SLC30A1: variants seen among roughly 807,000 people sequenced by gnomAD.
The protein encoded by SLC30A1 is solute carrier family 30 member 1.
SLC30A1 carries 7 observed loss-of-function variants against 29.8 expected under a neutral mutation model. The ratio of observed to expected loss-of-function variants is 0.23; its 90% CI spans 0.13 to 0.44. The LOEUF is 0.44. SLC30A1 is among the 20% of genes least tolerant of loss of function. The pLI is 1.00. For missense variants in SLC30A1, 446 were observed against 647.9 expected, an observed-to-expected ratio of 0.69 and a Z score of 3.38; for synonymous variants, 254 against 253.5, an observed-to-expected ratio of 1.00 and a Z score of -0.02.
intron 1 of SLC30A1, among the ~76,000 whole-genome samples, chr1:211,576,948 T>TA (rs991631234): frequency 2.6e-5 from 4 of 152,166 alleles, no homozygotes; most frequent in African/African-American, 9.7e-5. Flanking sequence ...TTCAAAAAGA[T>TA]AAAAAGTATT....
chr1:211,576,991 A>G (rs978082178), intron 1 of SLC30A1, among the ~76,000 whole-genome samples: 2 of 152,164 alleles, frequency 1.3e-5, no homozygotes, highest in Non-Finnish European at 2.9e-5. Flanking sequence ...GAGAAACTTA[A>G]TTTTCTTTGG....
Position 211,572,521 on chromosome 1 carries a change from T to A in SLC30A1, c.*2867A>T, listed in dbSNP as rs1257373110. 3.9e-5 allele frequency: 6 copies of A among 152,112 alleles called. No individual in the cohort carries two copies. The highest frequency in any genetic ancestry group is 5.9e-5 in the Non-Finnish European group (4 of 67,936). 9.4% of individuals were successfully genotyped at this position (152,112 alleles called of 1,614,324 possible). A position where few individuals can be genotyped will look rare whatever the true frequency, so the allele number is the denominator to read the frequency against. ...TTCAAAATTAACTTAAGGATGTTAA[T>A]AAGACACAAACGGTTAACACAGCCT... On this transcript the variant is annotated 3_prime_UTR_variant, in exon 2 of 2. Transcript: ENST00000367001.
In SLC30A1 at chr1:211,575,334, C is replaced by A; in HGVS notation, c.*54G>T. Reference sequence around the variant, plus strand: ...GGCAAACTTAGAATTTCAGTGGAGTCTTTTTCCTCTTGCAGTTTAAAGCAA... The same window carrying A: ...GGCAAACTTAGAATTTCAGTGGAGTATTTTTCCTCTTGCAGTTTAAAGCAA... On this transcript the variant is annotated 3_prime_UTR_variant, in exon 2 of 2. Coordinates refer to ENST00000367001, the MANE Select transcript of SLC30A1 (RefSeq NM_021194.3). This position sits in a 1 kb window ranked among gnomAD's most constrained non-coding sequence, Gnocchi z 6.0. 1 of 1,455,550 alleles carries A rather than the reference C, an allele frequency of 6.9e-7. No individual in the cohort carries two copies. Among genetic ancestry groups the A allele is most frequent in the Non-Finnish European group, 9.3e-7 (1 of 1,079,408 alleles). The allele number at this position is 1,455,550 out of a possible 1,614,324, so 90.2% of individuals were successfully genotyped here.
Position 211,575,427 on chromosome 1 carries a change from A to C in SLC30A1, c.1485T>G (p.Ile495Met). ...CAGGTTGTTTGTTTGGCATGTTTTT[A>C]ATCTCTATCACAACAGCAGGGATGT... ...AENIPAVVIE[I>M]KNMPNKQPES... is the part of the protein sequence containing the mutation. Residue 495 changes from isoleucine to methionine, a missense_variant, in exon 2 of 2, where the codon ATT (isoleucine) becomes ATG (methionine). By Grantham distance (10) the Ile-to-Met change is conservative (BLOSUM62 1). Transcript: ENST00000367001. The surrounding 1 kb of genome is among the most constrained non-coding windows in gnomAD (Gnocchi z 6.0). 6.2e-7 allele frequency: 1 copy of C among 1,605,914 alleles called. No homozygotes were observed. The highest frequency in any genetic ancestry group is 8.5e-7 in the Non-Finnish European group (1 of 1,177,608).
In SLC30A1 at chr1:211,571,789, AGAT is replaced by A. The variant is rs1163190694; in HGVS notation, c.*3596_*3598del. 7 of 152,206 alleles carry A rather than the reference AGAT, an allele frequency of 4.6e-5. No individual in the cohort carries two copies. Among genetic ancestry groups the A allele is most frequent in the South Asian group, 2.1e-4 (1 of 4,832 alleles). The allele number at this position is 152,206 out of a possible 1,614,324, so 9.4% of individuals were successfully genotyped here. On this transcript the variant is annotated 3_prime_UTR_variant, in exon 2 of 2. Coordinates refer to ENST00000367001, the MANE Select transcript of SLC30A1 (RefSeq NM_021194.3). The stretch of plus-strand genomic sequence containing the variant: ...ATTTTATCTGCATCTGTATTTAATG[AGAT>A]GATAACTGCATTTAACTGGCCCACA...
chr1:211,575,441 C>A lies in SLC30A1; in HGVS notation c.1471G>T (p.Val491Phe). Residue 491 changes from valine (V) to phenylalanine (F), a missense_variant, in exon 2 of 2, where the codon GTT becomes TTT. Physicochemically the swap from Val to Phe is conservative, Grantham distance 50. This residue lies in a region of SLC30A1 where 187 missense variants were observed against 312.7 expected (regional missense o/e 0.60). Transcript: ENST00000367001. The surrounding 1 kb of genome is among the most constrained non-coding windows in gnomAD (Gnocchi z 6.0). Reference sequence around the variant, plus strand: ...GGCATGTTTTTAATCTCTATCACAACAGCAGGGATGTTTTCAGCTTTAGTC... The same window carrying A: ...GGCATGTTTTTAATCTCTATCACAAAAGCAGGGATGTTTTCAGCTTTAGTC... ...RRTKAENIPA[V>F]VIEIKNMPNK... The A allele has an allele frequency of 6.2e-7, 1 of 1,613,334 alleles. No homozygotes were observed. Among genetic ancestry groups the A allele is most frequent in the Non-Finnish European group, 8.5e-7 (1 of 1,179,700 alleles).
At position 211,573,438 on chromosome 1, in the gene SLC30A1, G is replaced by C. The variant is rs1370886718; in HGVS notation, c.*1950C>G. 2 of 152,004 alleles carry C rather than the reference G, an allele frequency of 1.3e-5. No homozygotes were observed. The highest frequency in any genetic ancestry group is 2.4e-5 in the African/African-American group (1 of 41,420). The allele number at this position is 152,004 out of a possible 1,614,324, so 9.4% of individuals were successfully genotyped here. On this transcript the variant is annotated 3_prime_UTR_variant, in exon 2 of 2. Coordinates refer to ENST00000367001, the MANE Select transcript of SLC30A1 (RefSeq NM_021194.3). ...ATCTTTAAGACACAGACCTCAAGTA[G>C]AGCATTTGTAAAGAAAACCTCATTG...
rs1571601406 is a variant in SLC30A1, at chr1:211,575,577, T to C, written c.1335A>G (p.Gln445=). 6.2e-7 allele frequency: 1 copy of C among 1,614,196 alleles called. No individual in the cohort carries two copies. Among genetic ancestry groups the C allele is most frequent in the East Asian group, 2.2e-5 (1 of 44,892 alleles). ...GGGCTTGTGGTAGTGTCCCACAACA[T>C]TGCTTCAAAGCACACTGGGTTCTGC... ...LACRTQCALK[Q]CCGTLPQAPS... is the part of the protein sequence containing the mutation. Residue 445 remains glutamine (Q), a synonymous_variant, in exon 2 of 2, where the codon CAA becomes CAG. Coordinates refer to ENST00000367001, the MANE Select transcript of SLC30A1 (RefSeq NM_021194.3). The surrounding 1 kb of genome is among the most constrained non-coding windows in gnomAD (Gnocchi z 6.0).
chr1:211,578,438 G>T lies in SLC30A1; in HGVS notation c.175C>A (p.Arg59Ser). 1 of 1,612,190 alleles carries T rather than the reference G, an allele frequency of 6.2e-7. No homozygotes were observed. Among genetic ancestry groups the T allele is most frequent in the Non-Finnish European group, 8.5e-7 (1 of 1,179,498 alleles). Residue 59 changes from arginine to serine, a missense_variant, in exon 1 of 2, where the codon CGC becomes AGC. Arg to Ser is a moderately radical substitution (Grantham distance 110). Transcript: ENST00000367001. Reference sequence around the variant, plus strand: ...GTGGCGTGGGTCCGCCGGGCGAAGCGCTCGGCCACCAGCGCCACCACCAGC... The same window carrying T: ...GTGGCGTGGGTCCGCCGGGCGAAGCTCTCGGCCACCAGCGCCACCACCAGC... ...LALVVALVAE[R>S]FARRTHATQK...
rs1706759745 is a variant in SLC30A1, at chr1:211,579,158, C to T, written c.-546G>A. ...CACTCGGCCCGGTCTCGGGCGCCTT[C>T]TTCGCCCCCCCGCCTTTGCAGACGG... is the stretch of plus-strand genomic sequence containing the variant. On this transcript the variant is annotated 5_prime_UTR_variant, in exon 1 of 2. Transcript: ENST00000367001. 2.0e-5 allele frequency among the ~76,000 whole-genome samples: 3 copies of T among 152,356 alleles called. No homozygotes were observed. The South Asian group carries it at 6.2e-4, about 32-fold the overall frequency.
In SLC30A1 at chr1:211,578,515, G is replaced by C. The variant is rs747092322; in HGVS notation, c.98C>G (p.Ser33Trp). ...VLEVVVSRVT[S>W]SLAMLSDSFH... ...GGAGTCGGAGAGCATCGCCAGCGAC[G>C]AGGTCACCCGGCTCACCACCACCTC... is the stretch of plus-strand genomic sequence containing the variant. The change falls in exon 1 of 2, where the codon TCG becomes TGG. Residue 33 changes from serine to tryptophan, a missense_variant. Ser to Trp is a radical substitution (Grantham distance 177). Transcript: ENST00000367001. The C allele has an allele frequency of 6.2e-7, 1 of 1,611,542 alleles. No homozygotes were observed. Among genetic ancestry groups the C allele is most frequent in the South Asian group, 1.1e-5 (1 of 90,770 alleles).
chr1:211,576,368 GTGA>G, intron 1 of SLC30A1, 79 bp from the exon 2 acceptor site: 1 of 953,512 alleles, frequency 1.0e-6, no homozygotes, highest in Middle Eastern at 2.4e-4. Context: ...TTTTTAAGTG[GTGA>G]TGAAGGTGAA....
In SLC30A1 at chr1:211,575,359, A is replaced by AAAGTC. The variant is rs1706705963; in HGVS notation, c.*24_*28dup. 6 of 1,535,576 alleles carry AAAGTC rather than the reference A, an allele frequency of 3.9e-6. No homozygotes were observed. Among genetic ancestry groups the AAAGTC allele is most frequent in the Non-Finnish European group, 4.4e-6 (5 of 1,145,292 alleles). On this transcript the variant is annotated 3_prime_UTR_variant, in exon 2 of 2. Transcript: ENST00000367001. This position sits in a 1 kb window ranked among gnomAD's most constrained non-coding sequence, Gnocchi z 6.0. ...CTTTTTCCTCTTGCAGTTTAAAGCAAAAGTCAAATATCACATCTTTTTCAA... is the reference window on the plus strand; with the variant it reads ...CTTTTTCCTCTTGCAGTTTAAAGCAAAAGTCAAGTCAAATATCACATCTTTTTCAA...
Position 211,577,873 on chromosome 1 carries a change from C to T in SLC30A1, c.622+118G>A, listed in dbSNP as rs964673874. The T allele has an allele frequency of 2.2e-6, 3 of 1,343,856 alleles. No homozygotes were observed. The highest frequency in any genetic ancestry group is 1.4e-5 in the South Asian group (1 of 69,500). 83.2% of individuals were successfully genotyped at this position (1,343,856 alleles called of 1,614,324 possible). A position where few individuals can be genotyped will look rare whatever the true frequency, so the allele number is the denominator to read the frequency against. On this transcript the variant is annotated intron_variant, in intron 1 of 1. Coordinates refer to ENST00000367001, the MANE Select transcript of SLC30A1 (RefSeq NM_021194.3). The surrounding 1 kb of genome is among the most constrained non-coding windows in gnomAD (Gnocchi z 4.5). ...AGGACGGGGAGGGAGCAGGCAGGGG[C>T]GGCGCGGCGCAGGCCCGCTCGGGCA...
At position 211,577,794 on chromosome 1, in the gene SLC30A1, C is replaced by T. The variant is rs1706738685; in HGVS notation, c.622+197G>A. Among the ~76,000 whole-genome samples the T allele has an allele frequency of 1.3e-5, 2 of 152,214 alleles. No homozygotes were observed. Among genetic ancestry groups the T allele is most frequent in the Non-Finnish European group, 2.9e-5 (2 of 68,034 alleles). Reference sequence around the variant, plus strand: ...AATATGCCAGACGCGTCGCCGGCTCCTTGCACCCGACTGAGGGGGTTCTGA... The same window carrying T: ...AATATGCCAGACGCGTCGCCGGCTCTTTGCACCCGACTGAGGGGGTTCTGA... On this transcript the variant is annotated intron_variant, in intron 1 of 1. Coordinates refer to ENST00000367001, the MANE Select transcript of SLC30A1 (RefSeq NM_021194.3). The surrounding 1 kb of genome is among the most constrained non-coding windows in gnomAD (Gnocchi z 4.5).
chr1:211,578,063 G>C lies in SLC30A1; in HGVS notation c.550C>G (p.Pro184Ala). The change falls in exon 1 of 2, where the codon CCC becomes GCC. Residue 184 changes from proline (P) to alanine (A), a missense_variant. Physicochemically the swap from Pro to Ala is conservative, Grantham distance 27. This residue lies in a region of SLC30A1 where 159 missense variants were observed against 161.1 expected (regional missense o/e 0.99). Coordinates refer to ENST00000367001, the MANE Select transcript of SLC30A1 (RefSeq NM_021194.3). ...DINVAPGEQG[P>A]DQEETNTLVA... ...AGGGTGTTGGTCTCCTCCTGGTCGG[G>C]ACCCTGCTCGCCCGGGGCCACGTTG... 3 of 1,612,972 alleles carry C rather than the reference G, an allele frequency of 1.9e-6. No individual in the cohort carries two copies. The highest frequency in any genetic ancestry group is 2.2e-5 in the East Asian group (1 of 44,862).
rs1470848521 is a variant in SLC30A1 at position 211,571,945 on chromosome 1, T to C, written c.*3443A>G. 6.6e-6 allele frequency: 1 copy of C among 152,110 alleles called. No homozygotes were observed. The highest frequency in any genetic ancestry group is 2.4e-5 in the African/African-American group (1 of 41,438). The allele number at this position is 152,110 out of a possible 1,614,324, so 9.4% of individuals were successfully genotyped here. ...GAACCATAACATGGCAATTTGTGTC[T>C]TTTTATATATATATATAACCACATA... On this transcript the variant is annotated 3_prime_UTR_variant, in exon 2 of 2. Transcript: ENST00000367001.
Position 211,575,262 on chromosome 1 carries a change from A to G in SLC30A1, c.*126T>C. 2 of 785,514 alleles carry G rather than the reference A, an allele frequency of 2.5e-6. No homozygotes were observed. Among genetic ancestry groups the G allele is most frequent in the Non-Finnish European group, 4.2e-6 (2 of 481,078 alleles). 48.7% of individuals were successfully genotyped at this position (785,514 alleles called of 1,614,324 possible). ...GCAGTCCCATTATGTTCTTACAAAA[A>G]TAGAATTAAACTGTGTGACCAGACA... On this transcript the variant is annotated 3_prime_UTR_variant, in exon 2 of 2. Coordinates refer to ENST00000367001, the MANE Select transcript of SLC30A1 (RefSeq NM_021194.3). The surrounding 1 kb of genome is among the most constrained non-coding windows in gnomAD (Gnocchi z 6.0).
Position 211,576,307 on chromosome 1 carries a change from T to A in SLC30A1, c.623-18A>T. The A allele has an allele frequency of 1.4e-6, 2 of 1,454,794 alleles. No individual in the cohort carries two copies. The highest frequency in any genetic ancestry group is 9.3e-7 in the Non-Finnish European group (1 of 1,073,900). The allele number at this position is 1,454,794 out of a possible 1,614,324, so 90.1% of individuals were successfully genotyped here. On this transcript the variant is annotated intron_variant, in intron 1 of 1. Transcript: ENST00000367001. ...TTCTGGGTCTACAAAGAAATAAAAATTTTATATCAAATACATTTAAAGTGT... is the reference window on the plus strand; with the variant it reads ...TTCTGGGTCTACAAAGAAATAAAAAATTTATATCAAATACATTTAAAGTGT...
Sources: allele counts gnomAD v4.1 joint callset (sites outside exome capture counted in the v4.1 genomes callset), GRCh38; gene constraint gnomAD v4.1.1; regional missense constraint gnomAD v4.1.1; non-coding constraint Gnocchi (gnomAD v3.1); transcripts MANE v1.5; gene names NCBI Gene and HGNC (gene_info 2026-07-23, HGNC 2026-07-21).